Variants in UBA6 observed in about 807,000 individuals in gnomAD.
The protein encoded by UBA6 is ubiquitin like modifier activating enzyme 6.
Under a neutral mutation model 148.3 loss-of-function variants are expected in UBA6, and 87 were observed. That is an observed-to-expected ratio of 0.59 (90% CI 0.49 to 0.70). UBA6 has a LOEUF of 0.70. Ranked by LOEUF, UBA6 falls within the 30% of genes least tolerant of loss-of-function variation. The probability of loss-of-function intolerance (pLI) is 0.00; values close to 1 mark genes in which losing one functional copy is unlikely to be tolerated. For synonymous variants in UBA6, 376 were observed against 401.0 expected (o/e 0.94, Z 0.75); for missense variants, 1,186 against 1,241.2 (o/e 0.96, Z 0.67).
At chr4:67,680,744 A>G (rs1022107168) in intron 4 of UBA6, among the ~76,000 whole-genome samples, 4 of 152,176 alleles carry the variant, frequency 2.6e-5, no homozygotes, top group Admixed American at 6.5e-5. Flanking sequence ...ATTAGGTTAC[A>G]AAAGACTGAC....
intron 13 of UBA6, among the ~76,000 whole-genome samples, chr4:67,660,225 T>C (rs1181624310): frequency 6.6e-6 from 1 of 152,248 alleles, no homozygotes; most frequent in African/African-American, 2.4e-5. Flanking sequence ...TCAAGTCAGC[T>C]GCAGAAATTT....
At chr4:67,668,429 T>C in intron 9 of UBA6, 122 bp downstream of exon 9, 2 of 878,424 alleles carry the variant, frequency 2.3e-6, no homozygotes, top group Non-Finnish European at 3.5e-6. Flanking sequence ...GGATCGAATA[T>C]TTTGAGGCCA....
Position 67,616,687 on chromosome 4 carries a change from G to C in UBA6, c.*2310C>G, listed in dbSNP as rs28735406. 22,895 of 151,966 alleles carry C rather than the reference G, an allele frequency of 0.15. 1,767 individuals carry two copies. The highest frequency in any genetic ancestry group is 0.22 in the South Asian group (1,071 of 4,804). 9.4% of individuals were successfully genotyped at this position (151,966 alleles called of 1,614,324 possible). On this transcript the variant is annotated 3_prime_UTR_variant, in exon 33 of 33. Transcript: ENST00000322244. The stretch of plus-strand genomic sequence containing the variant: ...TGTCCTTCCACACCTAATAACTGCT[G>C]TATCTCCATGATTGCAAACTTGAAA...
At chr4:67,636,760 C>T (rs1351338018) in intron 19 of UBA6, among the ~76,000 whole-genome samples, 2 of 151,844 alleles carry the variant, frequency 1.3e-5, no homozygotes, top group African/African-American at 2.4e-5. Flanking sequence ...ACCCCCCAGC[C>T]GCCTGCCTTG....
chr4:67,698,056 G>A (rs1277406069), intron 1 of UBA6, among the ~76,000 whole-genome samples: 2 of 152,180 alleles, frequency 1.3e-5, no homozygotes, highest in Admixed American at 6.5e-5. Flanking sequence ...CTTGTTTGCT[G>A]TTTCGCAAGA....
At chr4:67,651,361 TTATGGTG>T in intron 13 of UBA6, among the ~76,000 whole-genome samples, 1 of 152,162 alleles carries the variant, frequency 6.6e-6, no homozygotes, top group Non-Finnish European at 1.5e-5. Flanking sequence ...CAAAATGGGC[TTATGGTG>T]TACGTAAGAA....
chr4:67,643,917 C>G (rs1053285389), intron 17 of UBA6, among the ~76,000 whole-genome samples: 6 of 151,966 alleles, frequency 3.9e-5, no homozygotes, highest in Non-Finnish European at 8.8e-5. Flanking sequence ...AAAATCAACA[C>G]AAGTAATAGT....
intron 9 of UBA6, among the ~76,000 whole-genome samples, chr4:67,666,115 G>A (rs1417873007): frequency 6.6e-6 from 1 of 152,074 alleles, no homozygotes; most frequent in Non-Finnish European, 1.5e-5. Flanking sequence ...TTGAACCCAG[G>A]AGGCTATAGT....
In UBA6 at chr4:67,616,309, ATTT is replaced by A. The variant is rs1045640119; in HGVS notation, c.*2685_*2687del. 1 of 357,510 alleles carries A rather than the reference ATTT, an allele frequency of 2.8e-6. No homozygotes were observed. The highest frequency in any genetic ancestry group is 5.0e-6 in the Non-Finnish European group (1 of 200,444). The allele number at this position is 357,510 out of a possible 1,614,324, so 22.1% of individuals were successfully genotyped here. ...ATAGTGGAAAGATTTAGGTCACGAG[ATTT>A]TTTTTTTCCCTAAAAATTTCAAAAG... On this transcript the variant is annotated 3_prime_UTR_variant, in exon 33 of 33. Transcript: ENST00000322244.
At position 67,646,019 on chromosome 4, in the gene UBA6, G is replaced by A; in HGVS notation, c.1317-3C>T. The A allele has an allele frequency of 2.0e-6, 3 of 1,536,854 alleles. No homozygotes were observed. Among genetic ancestry groups the A allele is most frequent in the Non-Finnish European group, 8.8e-7 (1 of 1,137,410 alleles). On this transcript the variant is annotated splice_polypyrimidine_tract_variant and splice_region_variant and intron_variant, in intron 15 of 32. Coordinates refer to ENST00000322244, the MANE Select transcript of UBA6 (RefSeq NM_018227.6). ...TTAAGGCATCATATCTATCTCCTCT[G>A]AAAAAAATAACATATACCAAAAAGC...
At chr4:67,663,000 G>A (rs1729901769) in intron 12 of UBA6, 139 bp downstream of exon 12, 1 of 500,828 alleles carries the variant, frequency 2.0e-6, no homozygotes, top group Non-Finnish European at 3.4e-6. Context: ...GGACCAGAAA[G>A]TCATAATAAA....
At chr4:67,696,169 T>C (rs914319710) in intron 2 of UBA6, among the ~76,000 whole-genome samples, 2 of 152,308 alleles carry the variant, frequency 1.3e-5, no homozygotes, top group African/African-American at 4.8e-5. Flanking sequence ...GATGTTATTG[T>C]ATGACTAAAG....
rs759058962 is a variant in UBA6 at position 67,665,235 on chromosome 4, TG to T, written c.850del (p.His284MetfsTer4). 6.2e-7 allele frequency: 1 copy of T among 1,607,732 alleles called. No individual in the cohort carries two copies. Among genetic ancestry groups the T allele is most frequent in the East Asian group, 2.2e-5 (1 of 44,692 alleles). On this transcript the variant is annotated frameshift_variant, in exon 10 of 33. Transcript: ENST00000322244. LOFTEE classifies it high-confidence loss of function. ...CTTAACTTGGACAGCTATGCCTCCA[TG>T]TAAATATGGTTCCAGTTCTGTGGTG... ...GDTTELEPYL[H>X]GGIAVQVKTP...
In UBA6 at chr4:67,647,120, C is replaced by T. The variant is rs1032057745; in HGVS notation, c.1249-329G>A. ...ATAACTACACAAAAGCTTTAGAAGC[C>T]CCCATTCAATTTCAGCTACATTTGA... On this transcript the variant is annotated intron_variant, in intron 14 of 32. Coordinates refer to ENST00000322244, the MANE Select transcript of UBA6 (RefSeq NM_018227.6). 3.1e-4 allele frequency among the ~76,000 whole-genome samples: 47 copies of T among 152,018 alleles called. 1 individual carries two copies. The highest frequency in any genetic ancestry group is 2.4e-3 in the Admixed American group (37 of 15,258).
Position 67,618,872 on chromosome 4 carries a change from C to T in UBA6, c.*125G>A. 1.0e-6 allele frequency: 1 copy of T among 956,666 alleles called. No homozygotes were observed. The allele number at this position is 956,666 out of a possible 1,614,324, so 59.3% of individuals were successfully genotyped here. A position where few individuals can be genotyped will look rare whatever the true frequency, so the allele number is the denominator to read the frequency against. ...CAGTGCAGTTTCTTACTGATGTTTCCCTTAAAATTAAGGCTTAATGAAAGA... is the reference window on the plus strand; with the variant it reads ...CAGTGCAGTTTCTTACTGATGTTTCTCTTAAAATTAAGGCTTAATGAAAGA... On this transcript the variant is annotated 3_prime_UTR_variant, in exon 33 of 33. Coordinates refer to ENST00000322244, the MANE Select transcript of UBA6 (RefSeq NM_018227.6).
At chr4:67,686,535 T>C (rs1317106291) in intron 2 of UBA6, among the ~76,000 whole-genome samples, 2 of 152,134 alleles carry the variant, frequency 1.3e-5, no homozygotes, top group Non-Finnish European at 2.9e-5. Context: ...AAATAAAATA[T>C]GTAAACTACT....
chr4:67,662,038 G>C (rs1729870805), intron 13 of UBA6, 151 bp downstream of exon 13: 1 of 614,436 alleles, frequency 1.6e-6, no homozygotes, highest in Non-Finnish European at 2.8e-6. Context: ...CTATTTTATA[G>C]ATTTATAAAT....
intron 13 of UBA6, among the ~76,000 whole-genome samples, chr4:67,651,530 T>C (rs1330481139): frequency 5.3e-5 from 8 of 152,060 alleles, no homozygotes; most frequent in African/African-American, 1.7e-4. Flanking sequence ...CAGTAAAATA[T>C]AAAGCAAGAT....
rs1729296501 is a variant in UBA6, at chr4:67,641,154, T to C, written c.1551A>G (p.Ile517Met). The C allele has an allele frequency of 1.3e-6, 2 of 1,581,382 alleles. No homozygotes were observed. Among genetic ancestry groups the C allele is most frequent in the Non-Finnish European group, 1.7e-6 (2 of 1,160,702 alleles). Residue 517 changes from isoleucine (I) to methionine (M), a missense_variant, in exon 18 of 33, where the codon ATA becomes ATG. Coordinates refer to ENST00000322244, the MANE Select transcript of UBA6 (RefSeq NM_018227.6). ...TTGAAACAGAATAGCAACATACCTG[T>C]ATGTGATGAGGACGAAATAGGAACT... Reference protein sequence around the residue: ...NRQFLFRPHHIQKPKSYTAAD... With the variant: ...NRQFLFRPHHMQKPKSYTAAD...
Sources: gnomAD v4.1 joint callset for allele counts (sites outside exome capture counted in the v4.1 genomes callset) on GRCh38, gnomAD v4.1.1 for gene constraint, MANE v1.5 for transcripts, NCBI Gene and HGNC (gene_info 2026-07-23, HGNC 2026-07-21) for gene names.